The following DAB1 variants were observed in gnomAD, a reference collection of about 807,000 sequenced individuals.
DAB1 encodes disabled homolog 1.
In DAB1, 15 loss-of-function variants were observed where a neutral mutation model predicts 64.6. That is an observed-to-expected ratio of 0.23 (90% CI 0.16 to 0.36). The LOEUF is 0.36. DAB1 is among the 10% of genes least tolerant of loss of function. The probability of loss-of-function intolerance (pLI) is 1.00; values close to 1 mark genes in which losing one functional copy is unlikely to be tolerated. For missense variants in DAB1, 596 were observed against 706.7 expected, an observed-to-expected ratio of 0.84 and a Z score of 1.78; for synonymous variants, 235 against 251.9, an observed-to-expected ratio of 0.93 and a Z score of 0.64.
intron 1 of DAB1, among the ~76,000 whole-genome samples, chr1:57,379,267 C>T (rs1020388575): frequency 6.6e-6 from 1 of 151,996 alleles, no homozygotes; most frequent in African/African-American, 2.4e-5. Flanking sequence ...CAAACAAATA[C>T]ATTCTTAGAT....
intron 1 of DAB1, among the ~76,000 whole-genome samples, chr1:57,855,226 T>C (rs1035110308): frequency 6.6e-6 from 1 of 152,102 alleles, no homozygotes; most frequent in Non-Finnish European, 1.5e-5. Flanking sequence ...AAGTAACCAA[T>C]TCTCAACTCA....
At chr1:58,012,791 G>A (rs540136158) in intron 5 of DAB1, among the ~76,000 whole-genome samples, 2 of 152,294 alleles carry the variant, frequency 1.3e-5, no homozygotes, top group South Asian at 4.1e-4. Context: ...AGTGAGAAAT[G>A]AATGTTTGTT....
chr1:57,924,273 T>C lies in DAB1; in HGVS notation n.388-40111A>G, dbSNP rs141839551. On this transcript the variant is annotated intron_variant and non_coding_transcript_variant, in intron 5 of 20. Transcript: ENST00000485760. Reference sequence around the variant, plus strand: ...GAAGAGACAAACAACTTGAAACTTATAACATTTGACTTATGTTAACTACCC... The same window carrying C: ...GAAGAGACAAACAACTTGAAACTTACAACATTTGACTTATGTTAACTACCC... 3.3e-3 allele frequency among the ~76,000 whole-genome samples: 510 copies of C among 152,296 alleles called. 5 individuals carry two copies. Among genetic ancestry groups the C allele is most frequent in the African/African-American group, 0.012 (483 of 41,560 alleles).
chr1:58,316,704 A>G (rs1662565836), intron 4 of DAB1, among the ~76,000 whole-genome samples: 1 of 152,294 alleles, frequency 6.6e-6, no homozygotes, highest in African/African-American at 2.4e-5. Flanking sequence ...TAGCACCTGG[A>G]CCACAGCAGC....
chr1:58,194,933 C>T (rs1273956344), intron 4 of DAB1, among the ~76,000 whole-genome samples: 2 of 152,350 alleles, frequency 1.3e-5, no homozygotes, highest in South Asian at 4.1e-4. Flanking sequence ...TGATCCTTTT[C>T]TAGGATCAAG....
intron 2 of DAB1, among the ~76,000 whole-genome samples, chr1:57,147,219 T>C (rs1423525632): frequency 6.6e-6 from 1 of 151,884 alleles, no homozygotes; most frequent in East Asian, 1.9e-4. Context: ...GATGGGGTTT[T>C]GCCATGTTGC....
intron 1 of DAB1, among the ~76,000 whole-genome samples, chr1:57,835,073 A>G (rs1435419183): frequency 6.6e-6 from 1 of 152,218 alleles, no homozygotes; most frequent in Non-Finnish European, 1.5e-5. Flanking sequence ...GGCATGTGCA[A>G]AAAGCACCTA....
At chr1:57,246,552 A>G (rs2100500075) in intron 2 of DAB1, among the ~76,000 whole-genome samples, 2 of 152,316 alleles carry the variant, frequency 1.3e-5, no homozygotes, top group East Asian at 1.9e-4. Context: ...AGAGGGAAAA[A>G]GTGGGGTTGG....
chr1:58,147,102 T>G (rs1259141199), intron 5 of DAB1, among the ~76,000 whole-genome samples: 1 of 140,900 alleles, frequency 7.1e-6, no homozygotes, highest in Non-Finnish European at 1.5e-5. Context: ...AGGTCAGGAG[T>G]TTGAGACCAA....
chr1:58,209,478 T>C (rs1347042682), intron 4 of DAB1, among the ~76,000 whole-genome samples: 1 of 152,062 alleles, frequency 6.6e-6, no homozygotes, highest in African/African-American at 2.4e-5. Flanking sequence ...TAAAAAGTAG[T>C]TGGTAAATAT....
In DAB1 at chr1:58,485,228, T is replaced by TAAAAAA. The variant is rs71043289; in HGVS notation, n.257+20826_257+20831dup. On this transcript the variant is annotated intron_variant and non_coding_transcript_variant, in intron 3 of 20. Coordinates refer to the DAB1 transcript ENST00000485760. ...GTCTAAAAATAAAAGAGTCTACTACTAAAAAAAAAAAAAAAAAAAAAAAAA... is the reference window on the plus strand; with the variant it reads ...GTCTAAAAATAAAAGAGTCTACTACTAAAAAAAAAAAAAAAAAAAAAAAAAAAAAAA... Among the ~76,000 whole-genome samples the TAAAAAA allele has an allele frequency of 3.3e-4, 14 of 42,052 alleles. 1 individual carries two copies. The highest frequency in any genetic ancestry group is 1.2e-3 in the East Asian group (1 of 820). The allele number at this position is 42,052 out of a possible 152,430, so 27.6% of individuals were successfully genotyped here.
intron 6 of DAB1, among the ~76,000 whole-genome samples, chr1:57,719,874 G>A (rs1188456830): frequency 6.6e-6 from 1 of 152,202 alleles, no homozygotes; most frequent in Non-Finnish European, 1.5e-5. Flanking sequence ...AATTAGTTGA[G>A]TATTTCTTAA....
chr1:57,061,837 G>T (rs558097564), intron 9 of DAB1, among the ~76,000 whole-genome samples: 250 of 152,296 alleles, frequency 1.6e-3, no homozygotes, highest in Non-Finnish European at 3.1e-3. Flanking sequence ...ACAGACAACA[G>T]TGTTCCAGGT....
chr1:57,609,799 A>AT (rs1211228598), intron 7 of DAB1, among the ~76,000 whole-genome samples: 2 of 151,946 alleles, frequency 1.3e-5, no homozygotes, highest in East Asian at 1.9e-4. Context: ...AGACCCCACC[A>AT]TTTTTTTTAC....
At chr1:57,263,768 C>G (rs1670377473) in intron 2 of DAB1, among the ~76,000 whole-genome samples, 1 of 152,156 alleles carries the variant, frequency 6.6e-6, no homozygotes, top group Non-Finnish European at 1.5e-5. Flanking sequence ...AGTTTTGTGC[C>G]AATAATTTTC....
chr1:58,451,994 T>C (rs1235742316), intron 3 of DAB1, among the ~76,000 whole-genome samples: 5 of 150,974 alleles, frequency 3.3e-5, no homozygotes, highest in Non-Finnish European at 7.4e-5. Context: ...CTCCGCTCAC[T>C]GCAACCTTTG....
At chr1:57,467,724 C>G (rs190427699) in intron 7 of DAB1, among the ~76,000 whole-genome samples, 2 of 152,186 alleles carry the variant, frequency 1.3e-5, no homozygotes, top group East Asian at 3.9e-4. Context: ...TTGGGGTTTA[C>G]TAGATACTCT....
At chr1:58,073,947 A>C (rs921627412) in intron 5 of DAB1, among the ~76,000 whole-genome samples, 1 of 152,236 alleles carries the variant, frequency 6.6e-6, no homozygotes, top group African/African-American at 2.4e-5. Context: ...TAAGTCCTCA[A>C]AGAGATAAAA....
chr1:58,396,648 G>A (rs1182702163), intron 3 of DAB1, among the ~76,000 whole-genome samples: 3 of 152,132 alleles, frequency 2.0e-5, no homozygotes, highest in South Asian at 2.1e-4. Flanking sequence ...CATGGCGACA[G>A]AGAGAAAGAG....
Sources: allele counts gnomAD v4.1 joint callset (sites outside exome capture counted in the v4.1 genomes callset), GRCh38; gene constraint gnomAD v4.1.1; transcripts MANE v1.5; gene names NCBI Gene and HGNC (gene_info 2026-07-23, HGNC 2026-07-21).